OXNAD1: variants seen among roughly 807,000 people sequenced by gnomAD.
The protein encoded by OXNAD1 is oxidoreductase NAD binding domain containing 1, also known as oxidoreductase NAD-binding domain-containing protein 1.
OXNAD1 carries 34 observed loss-of-function variants against 32.9 expected under a neutral mutation model. That is an observed-to-expected ratio of 1.03 (90% confidence interval 0.79 to 1.38). The LOEUF (loss-of-function observed/expected upper bound fraction) is 1.38, where lower values mean the gene tolerates loss of function less well. OXNAD1 is among the 40% of genes most tolerant of loss of function. The probability of loss-of-function intolerance (pLI) is 0.00; values close to 1 mark genes in which losing one functional copy is unlikely to be tolerated. For missense variants in OXNAD1, 407 were observed against 379.4 expected (o/e 1.07, Z -0.60); for synonymous variants, 134 against 135.2 (o/e 0.99, Z 0.06).
At position 16,303,435 on chromosome 3, in the gene OXNAD1, G is replaced by C; in HGVS notation, c.812G>C (p.Arg271Thr). The stretch of plus-strand genomic sequence containing the variant: ...GGAAGAATAACGGAGAAGGAGATAA[G>C]AGATCATATTTCAAAAGAGACTTTG... ...TEGRITEKEIRDHISKETLFY... is the reference protein window; with the variant it reads ...TEGRITEKEITDHISKETLFY... Residue 271 changes from arginine (R) to threonine (T), a missense_variant, in exon 9 of 9, where the codon AGA (arginine) becomes ACA (threonine). Transcript: ENST00000285083. The surrounding 1 kb of genome is among the most constrained non-coding windows in gnomAD (Gnocchi z 4.8). 6.2e-7 allele frequency: 1 copy of C among 1,613,958 alleles called. No homozygotes were observed.
At chr3:16,326,987 G>T in intron 9 of OXNAD1, 1 of 743,560 alleles carries the variant, frequency 1.3e-6, no homozygotes, top group Non-Finnish European at 2.2e-6. Context: ...AAGTGGCGGT[G>T]CCCGGCCACT....
chr3:16,285,363 G>A (rs2066002903), intron 4 of OXNAD1, among the ~76,000 whole-genome samples: 1 of 152,182 alleles, frequency 6.6e-6, no homozygotes, highest in South Asian at 2.1e-4. Context: ...GAGCTGTGAA[G>A]GTCACACTTT....
intron 6 of OXNAD1, among the ~76,000 whole-genome samples, chr3:16,296,622 A>T (rs1230886767): frequency 6.6e-6 from 1 of 152,218 alleles, no homozygotes; most frequent in Non-Finnish European, 1.5e-5. Flanking sequence ...GGAGAGAAAC[A>T]CATCAAATAA....
intron 9 of OXNAD1, chr3:16,323,250 A>G: frequency 1.5e-6 from 1 of 673,126 alleles, no homozygotes; most frequent in Admixed American, 2.9e-5. Context: ...CCAGGGGCTC[A>G]GGTGTTCCTT....
intron 2 of OXNAD1, among the ~76,000 whole-genome samples, chr3:16,270,078 A>G: frequency 6.6e-6 from 1 of 152,226 alleles, no homozygotes; most frequent in Non-Finnish European, 1.5e-5. Context: ...AAGTTCAAGT[A>G]CAAACAGAAA....
chr3:16,305,777 T>C lies in OXNAD1; in HGVS notation c.*2215T>C, dbSNP rs1460736662. 2 of 152,142 alleles carry C rather than the reference T, an allele frequency of 1.3e-5. No individual in the cohort carries two copies. The highest frequency in any genetic ancestry group is 4.8e-5 in the African/African-American group (2 of 41,420). 9.4% of individuals were successfully genotyped at this position (152,142 alleles called of 1,614,324 possible). On this transcript the variant is annotated 3_prime_UTR_variant, in exon 9 of 9. Coordinates refer to ENST00000285083, the MANE Select transcript of OXNAD1 (RefSeq NM_138381.5). This position sits in a 1 kb window ranked among gnomAD's most constrained non-coding sequence, Gnocchi z 4.5. ...ATTTAAAATTACATACAACTACATG[T>C]AAAAGGGAGATGATACTGCTGCCTA... is the stretch of plus-strand genomic sequence containing the variant.
rs545309885 is a variant in OXNAD1, at chr3:16,322,318, C to T, written c.*31-14794C>T. Among the ~76,000 whole-genome samples, 27 of 152,346 alleles carry T rather than the reference C, an allele frequency of 1.8e-4. No homozygotes were observed. Among genetic ancestry groups the T allele is most frequent in the Non-Finnish European group, 2.9e-4 (20 of 68,028 alleles). On this transcript the variant is annotated intron_variant, in intron 9 of 9. Coordinates refer to the OXNAD1 transcript ENST00000435829. The surrounding 1 kb of genome is among the most constrained non-coding windows in gnomAD (Gnocchi z 6.2). ...GTCACCATTGCTTTGGCACTCCTTC[C>T]ACAAGTGGGCTCCCCCTGGAGTTGT...
intron 9 of OXNAD1, among the ~76,000 whole-genome samples, chr3:16,330,997 G>C (rs1322655522): frequency 6.6e-6 from 1 of 152,222 alleles, no homozygotes; most frequent in Admixed American, 6.5e-5. Flanking sequence ...GAGTTTGAAA[G>C]AAAATATTTT....
rs1277348103 is a variant in OXNAD1 at position 16,327,786 on chromosome 3, A to C, written c.*31-9326A>C. On this transcript the variant is annotated intron_variant, in intron 9 of 9. Coordinates refer to the OXNAD1 transcript ENST00000435829. This position sits in a 1 kb window ranked among gnomAD's most constrained non-coding sequence, Gnocchi z 4.2. ...CAAAAAAAAAAACAAAACGAAAAAA[A>C]CTTCAGCCCCCTGCTAGCACAGGGA... Among the ~76,000 whole-genome samples, 1 of 151,538 alleles carries C rather than the reference A, an allele frequency of 6.6e-6. No individual in the cohort carries two copies. The highest frequency in any genetic ancestry group is 1.5e-5 in the Non-Finnish European group (1 of 67,904).
intron 9 of OXNAD1, among the ~76,000 whole-genome samples, chr3:16,332,687 G>T (rs1273390665): frequency 1.3e-5 from 2 of 152,090 alleles, no homozygotes; most frequent in Non-Finnish European, 2.9e-5. Flanking sequence ...GAAACAAATG[G>T]CACCCTTCTC....
chr3:16,269,420 T>A, intron 2 of OXNAD1, 145 bp downstream of exon 2: 1 of 768,042 alleles, frequency 1.3e-6, no homozygotes, highest in Non-Finnish European at 2.0e-6. Context: ...AAATAGCAAG[T>A]AGCATGCTTA....
Position 16,305,149 on chromosome 3 carries a change from G to A in OXNAD1, c.*1587G>A, listed in dbSNP as rs894827988. 1 of 152,424 alleles carries A rather than the reference G, an allele frequency of 6.6e-6. No individual in the cohort carries two copies. The highest frequency in any genetic ancestry group is 1.5e-5 in the Non-Finnish European group (1 of 68,208). 9.4% of individuals were successfully genotyped at this position (152,424 alleles called of 1,614,324 possible). On this transcript the variant is annotated 3_prime_UTR_variant, in exon 9 of 9. Coordinates refer to ENST00000285083, the MANE Select transcript of OXNAD1 (RefSeq NM_138381.5). This position sits in a 1 kb window ranked among gnomAD's most constrained non-coding sequence, Gnocchi z 4.5. ...TAGGAGCATGATGAGATGCAAGGAT[G>A]TGGGATTATCAAGGGGCACGTCTAC...
chr3:16,336,755 C>CT lies in OXNAD1; in HGVS notation c.*31-354dup, dbSNP rs1303663054. Among the ~76,000 whole-genome samples, 2 of 152,130 alleles carry CT rather than the reference C, an allele frequency of 1.3e-5. No individual in the cohort carries two copies. The highest frequency in any genetic ancestry group is 2.9e-5 in the Non-Finnish European group (2 of 68,020). ...CATAAAAAGCTTCAGTTCTGAGACT[C>CT]TTTACCCACCCAGTGCTGGTGAATT... On this transcript the variant is annotated intron_variant, in intron 9 of 9. Transcript: ENST00000435829. The surrounding 1 kb of genome is among the most constrained non-coding windows in gnomAD (Gnocchi z 6.0).
At chr3:16,272,249 CTA>C (rs756032831) in intron 4 of OXNAD1, 13 of 418,844 alleles carry the variant, frequency 3.1e-5, no homozygotes, top group Non-Finnish European at 6.1e-5. Flanking sequence ...CATATTCAGA[CTA>C]TAGAAAGCTA....
chr3:16,341,760 C>T (rs564966017), downstream of OXNAD1, among the ~76,000 whole-genome samples: 2 of 152,214 alleles, frequency 1.3e-5, no homozygotes, highest in South Asian at 2.1e-4. This position sits in a 1 kb window ranked among gnomAD's most constrained non-coding sequence, Gnocchi z 4.7. Flanking sequence ...GATTGAAGTA[C>T]TCTATGGCCA....
rs2066123810 is a variant in OXNAD1, at chr3:16,287,069, G to A, written c.290+621G>A. Among the ~76,000 whole-genome samples the A allele has an allele frequency of 1.3e-5, 2 of 152,202 alleles. No individual in the cohort carries two copies. The highest frequency in any genetic ancestry group is 6.5e-5 in the Admixed American group (1 of 15,270). On this transcript the variant is annotated intron_variant, in intron 5 of 8. Transcript: ENST00000285083. The surrounding 1 kb of genome is among the most constrained non-coding windows in gnomAD (Gnocchi z 4.8). ...AGTCTGTCCCATTTGACTCGGGACT[G>A]ATCAGCATGCTGACTGGGTAACATT...
downstream of OXNAD1, among the ~76,000 whole-genome samples, chr3:16,338,048 A>G (rs1559832637): frequency 6.6e-6 from 1 of 152,228 alleles, no homozygotes; most frequent in Non-Finnish European, 1.5e-5. This position sits in a 1 kb window ranked among gnomAD's most constrained non-coding sequence, Gnocchi z 5.3. Flanking sequence ...CTAAAGCACC[A>G]TGCCAAGCTG....
rs2068173656 is a variant in OXNAD1 at position 16,314,197 on chromosome 3, C to CTTT, written c.*30+10607_*30+10609dup. 6.6e-6 allele frequency among the ~76,000 whole-genome samples: 1 copy of CTTT among 152,086 alleles called. No homozygotes were observed. Among genetic ancestry groups the CTTT allele is most frequent in the African/African-American group, 2.4e-5 (1 of 41,422 alleles). On this transcript the variant is annotated intron_variant, in intron 9 of 9. Coordinates refer to the OXNAD1 transcript ENST00000435829. This position sits in a 1 kb window ranked among gnomAD's most constrained non-coding sequence, Gnocchi z 4.4. The stretch of plus-strand genomic sequence containing the variant: ...TGCCAAACCCTGTATGTCTTTGTGG[C>CTTT]TTTTACTGTCCGTGGGACCTGGTCA...
chr3:16,338,372 C>T (rs1474766510), downstream of OXNAD1, among the ~76,000 whole-genome samples: 1 of 152,202 alleles, frequency 6.6e-6, no homozygotes, highest in Non-Finnish European at 1.5e-5. This position sits in a 1 kb window ranked among gnomAD's most constrained non-coding sequence, Gnocchi z 5.3. Flanking sequence ...CAACTCTGAC[C>T]CGTAGCAGGG....
Sources: allele counts gnomAD v4.1 joint callset (sites outside exome capture counted in the v4.1 genomes callset), GRCh38; gene constraint gnomAD v4.1.1; non-coding constraint Gnocchi (gnomAD v3.1); transcripts MANE v1.5; gene names NCBI Gene and HGNC (gene_info 2026-07-23, HGNC 2026-07-21).